The following NAPB variants were observed in gnomAD, a reference collection of about 807,000 sequenced individuals.
NAPB encodes beta-soluble NSF attachment protein.
A neutral mutation model predicts 44.7 loss-of-function variants in NAPB; 26 were observed. That is an observed-to-expected ratio of 0.58 (90% CI 0.43 to 0.81). The LOEUF is 0.81. Ranked by LOEUF, NAPB falls within the 30% of genes least tolerant of loss-of-function variation. NAPB has a pLI of 0.00. For missense variants in NAPB, 315 were observed against 356.4 expected (o/e 0.88, Z 0.94); for synonymous variants, 120 against 116.8 (o/e 1.03, Z -0.18).
At chr20:23,420,772 G>A (rs562898009) in intron 1 of NAPB, among the ~76,000 whole-genome samples, 12 of 151,930 alleles carry the variant, frequency 7.9e-5, no homozygotes, top group Middle Eastern at 3.4e-3. Flanking sequence ...GGCGAGGGGG[G>A]CGATCTGGGG....
intron 5 of NAPB, among the ~76,000 whole-genome samples, chr20:23,391,227 C>T (rs558016411): frequency 7.9e-5 from 12 of 152,276 alleles, no homozygotes; most frequent in African/African-American, 2.9e-4. Context: ...AGGAGAACTG[C>T]TTGAACCGGG....
intron 1 of NAPB, among the ~76,000 whole-genome samples, chr20:23,410,423 A>T (rs1985572559): frequency 6.6e-6 from 1 of 152,234 alleles, no homozygotes; most frequent in Non-Finnish European, 1.5e-5. Context: ...AGAAGATCCT[A>T]AGTGAATTAA....
intron 7 of NAPB, among the ~76,000 whole-genome samples, chr20:23,389,231 T>TAAAAAAA (rs71330886): frequency 1.7e-5 from 2 of 115,388 alleles, no homozygotes; most frequent in African/African-American, 6.7e-5. Flanking sequence ...GACTATTATT[T>TAAAAAAA]AAAAAAAAAA....
At chr20:23,403,217 T>G (rs1984979082) in intron 1 of NAPB, 145 bp from the exon 2 acceptor site, 4 of 639,472 alleles carry the variant, frequency 6.3e-6, no homozygotes, top group African/African-American at 1.8e-5. Context: ...GAGATACTCT[T>G]ACTATACCTG....
chr20:23,405,631 G>A (rs1985197258), intron 1 of NAPB, among the ~76,000 whole-genome samples: 1 of 152,144 alleles, frequency 6.6e-6, no homozygotes, highest in Non-Finnish European at 1.5e-5. Context: ...GGCTGAGGCA[G>A]GAGAATCACT....
Position 23,378,883 on chromosome 20 carries a change from A to C in NAPB, c.786+562T>G, listed in dbSNP as rs1255775536. Reference sequence around the variant, plus strand: ...CACCAGGCTGGAGTGCAGTGGTGCAATCTCAGCTCACTGCAACCTCTGCCT... The same window carrying C: ...CACCAGGCTGGAGTGCAGTGGTGCACTCTCAGCTCACTGCAACCTCTGCCT... On this transcript the variant is annotated intron_variant, in intron 10 of 10. Transcript: ENST00000377026. 2 of 121,572 alleles carry C rather than the reference A, an allele frequency of 1.6e-5. 1 individual carries two copies. The highest frequency in any genetic ancestry group is 3.5e-5 in the Non-Finnish European group (2 of 57,104). The allele number at this position is 121,572 out of a possible 1,614,324, so 7.5% of individuals were successfully genotyped here. A position where few individuals can be genotyped will look rare whatever the true frequency, so the allele number is the denominator to read the frequency against.
chr20:23,394,231 G>A (rs757382336), intron 5 of NAPB, among the ~76,000 whole-genome samples: 12 of 152,192 alleles, frequency 7.9e-5, no homozygotes, highest in African/African-American at 1.7e-4. Context: ...GAGAGCAAAA[G>A]CAGGGAGACC....
At chr20:23,400,743 C>A (rs6076069) in intron 2 of NAPB, among the ~76,000 whole-genome samples, 12,058 of 152,092 alleles carry the variant, frequency 0.079, 1,118 homozygotes, top group African/African-American at 0.22. Flanking sequence ...ATCACCAATG[C>A]AACATGGATA....
At chr20:23,416,135 G>A (rs923456848) in intron 1 of NAPB, among the ~76,000 whole-genome samples, 2 of 152,162 alleles carry the variant, frequency 1.3e-5, no homozygotes, top group Non-Finnish European at 2.9e-5. Context: ...CCTAACGCAT[G>A]CCTCAGGCTG....
chr20:23,414,954 TATA>T (rs1985901237), intron 1 of NAPB, among the ~76,000 whole-genome samples: 1 of 147,158 alleles, frequency 6.8e-6, no homozygotes, highest in African/African-American at 2.5e-5. Flanking sequence ...AAATTTTAAG[TATA>T]ATATTTTGAT....
intron 2 of NAPB, among the ~76,000 whole-genome samples, chr20:23,397,841 T>C (rs1351795628): frequency 6.6e-6 from 1 of 152,258 alleles, no homozygotes; most frequent in Non-Finnish European, 1.5e-5. Flanking sequence ...CTGATGGATC[T>C]GGTTGTGGGG....
At chr20:23,382,435 C>T (rs915780884) in intron 7 of NAPB, among the ~76,000 whole-genome samples, 36 of 152,124 alleles carry the variant, frequency 2.4e-4, no homozygotes, top group African/African-American at 8.7e-4. Flanking sequence ...AGGAAGATCT[C>T]AAGCTAAATG....
rs76715133 is a variant in NAPB at position 23,410,774 on chromosome 20, G to A, written c.99-7702C>T. Among the ~76,000 whole-genome samples, 447 of 152,184 alleles carry A rather than the reference G, an allele frequency of 2.9e-3. 1 individual carries two copies. The highest frequency in any genetic ancestry group is 0.01 in the African/African-American group (431 of 41,532). On this transcript the variant is annotated intron_variant, in intron 1 of 10. Coordinates refer to ENST00000377026, the MANE Select transcript of NAPB (RefSeq NM_022080.3). ...AAAAAAGAAACAAGAATTAAAATACGTTCCCTAAAACAATCACAAGGCACA... is the reference window on the plus strand; with the variant it reads ...AAAAAAGAAACAAGAATTAAAATACATTCCCTAAAACAATCACAAGGCACA...
intron 1 of NAPB, among the ~76,000 whole-genome samples, chr20:23,418,030 T>C (rs1428593558): frequency 2.0e-5 from 3 of 152,348 alleles, no homozygotes; most frequent in East Asian, 3.9e-4. Context: ...AGAGAACTCA[T>C]GACAGGCTTT....
chr20:23,393,650 G>A (rs1984136976), intron 5 of NAPB, among the ~76,000 whole-genome samples: 1 of 152,146 alleles, frequency 6.6e-6, no homozygotes, highest in Non-Finnish European at 1.5e-5. Context: ...TGATGAGCAA[G>A]CATATGAGAG....
intron 5 of NAPB, among the ~76,000 whole-genome samples, chr20:23,393,881 T>C (rs1013812344): frequency 8.5e-5 from 13 of 152,152 alleles, no homozygotes; most frequent in Non-Finnish European, 1.8e-4. Context: ...GGGAAGAGCT[T>C]TGCAGACAGA....
rs573601349 is a variant in NAPB at position 23,396,843 on chromosome 20, ATAAAG to A, written c.295+224_295+228del. 3.1e-4 allele frequency: 96 copies of A among 310,914 alleles called. No homozygotes were observed. The Middle Eastern group carries it at 5.4e-3, about 17-fold the overall frequency. The allele number at this position is 310,914 out of a possible 1,614,324, so 19.3% of individuals were successfully genotyped here. A position where few individuals can be genotyped will look rare whatever the true frequency, so the allele number is the denominator to read the frequency against. On this transcript the variant is annotated intron_variant, in intron 3 of 10. Coordinates refer to ENST00000377026, the MANE Select transcript of NAPB (RefSeq NM_022080.3). ...AATAAGAGTTTAATTAAATGATGCT[ATAAAG>A]TAAACAGCCAGTATAAATTTAACAT...
At chr20:23,398,792 C>T (rs1349127264) in intron 2 of NAPB, among the ~76,000 whole-genome samples, 2 of 150,320 alleles carry the variant, frequency 1.3e-5, no homozygotes, top group African/African-American at 4.9e-5. Flanking sequence ...TGCAGTGAGC[C>T]GAGACTGTGT....
chr20:23,420,860 G>A (rs1391024944), intron 1 of NAPB, among the ~76,000 whole-genome samples: 2 of 151,342 alleles, frequency 1.3e-5, no homozygotes, highest in African/African-American at 4.9e-5. Context: ...GGGGAGCTCT[G>A]GGGGTCCTAG....
Sources: gnomAD v4.1 joint callset for allele counts (sites outside exome capture counted in the v4.1 genomes callset) on GRCh38, gnomAD v4.1.1 for gene constraint, MANE v1.5 for transcripts, NCBI Gene and HGNC (gene_info 2026-07-23, HGNC 2026-07-21) for gene names.